The following KIRREL3 variants were observed in gnomAD, a reference collection of about 807,000 sequenced individuals.
KIRREL3 encodes kirre like nephrin family adhesion molecule 3, also known as kin of IRRE-like protein 3.
A neutral mutation model predicts 89.7 loss-of-function variants in KIRREL3; 36 were observed. The observed-to-expected ratio is 0.40, with a 90% CI of 0.31 to 0.53. The LOEUF (loss-of-function observed/expected upper bound fraction) is 0.53. KIRREL3 is among the 20% of genes least tolerant of loss of function. KIRREL3 has a pLI of 0.49. For synonymous variants in KIRREL3, 445 were observed against 441.4 expected, an observed-to-expected ratio of 1.01 and a Z score of -0.10; for missense variants, 864 against 1,056.6, an observed-to-expected ratio of 0.82 and a Z score of 2.53.
rs936094632 is a variant in KIRREL3 at position 126,486,880 on chromosome 11, G to A, written c.434-13414C>T. On this transcript the variant is annotated intron_variant, in intron 4 of 16. Coordinates refer to ENST00000525144, the MANE Select transcript of KIRREL3 (RefSeq NM_032531.4). The surrounding 1 kb of genome is among the most constrained non-coding windows in gnomAD (Gnocchi z 6.2). Reference sequence around the variant, plus strand: ...TCCTGACCCAGCAAAGGGCCAGGCAGGGACTTGGAGTGTCCCCGCTGGTCC... The same window carrying A: ...TCCTGACCCAGCAAAGGGCCAGGCAAGGACTTGGAGTGTCCCCGCTGGTCC... 1.3e-5 allele frequency among the ~76,000 whole-genome samples: 2 copies of A among 152,188 alleles called. No individual in the cohort carries two copies. Among genetic ancestry groups the A allele is most frequent in the African/African-American group, 4.8e-5 (2 of 41,442 alleles).
In KIRREL3 at chr11:126,516,266, A is replaced by T. The variant is rs915028937; in HGVS notation, c.433+5049T>A. Among the ~76,000 whole-genome samples, 3 of 152,214 alleles carry T rather than the reference A, an allele frequency of 2.0e-5. No individual in the cohort carries two copies. Among genetic ancestry groups the T allele is most frequent in the African/African-American group, 7.2e-5 (3 of 41,458 alleles). On this transcript the variant is annotated intron_variant, in intron 4 of 16. Coordinates refer to ENST00000525144, the MANE Select transcript of KIRREL3 (RefSeq NM_032531.4). The surrounding 1 kb of genome is among the most constrained non-coding windows in gnomAD (Gnocchi z 4.9). The stretch of plus-strand genomic sequence containing the variant: ...TTATTTCTAACGGGAGCCACAAGAC[A>T]GCAGAGTTAATATTAGAACGGGCCA...
At position 126,933,816 on chromosome 11, in the gene KIRREL3, A is replaced by G. The variant is rs570353114; in HGVS notation, c.55+66639T>C. 2.4e-3 allele frequency among the ~76,000 whole-genome samples: 359 copies of G among 152,026 alleles called. 1 individual carries two copies. The highest frequency in any genetic ancestry group is 8.0e-3 in the African/African-American group (332 of 41,520). Reference sequence around the variant, plus strand: ...CCAAAAACATGGAGAGAAATTAAAGAAGTTCTAAATAAATGGAGAGACATT... The same window carrying G: ...CCAAAAACATGGAGAGAAATTAAAGGAGTTCTAAATAAATGGAGAGACATT... On this transcript the variant is annotated intron_variant, in intron 1 of 16. Coordinates refer to ENST00000525144, the MANE Select transcript of KIRREL3 (RefSeq NM_032531.4).
chr11:126,648,295 T>C (rs1944772199), intron 1 of KIRREL3, among the ~76,000 whole-genome samples: 1 of 152,232 alleles, frequency 6.6e-6, no homozygotes, highest in Non-Finnish European at 1.5e-5. Context: ...AATGAGAGAA[T>C]GGATGAGTGC....
chr11:126,728,806 C>T (rs1948495594), intron 1 of KIRREL3, among the ~76,000 whole-genome samples: 1 of 152,222 alleles, frequency 6.6e-6, no homozygotes, highest in East Asian at 1.9e-4. Flanking sequence ...GCTCCATGGC[C>T]TCTCTTCTCT....
At chr11:126,868,023 G>A (rs1325153791) in intron 1 of KIRREL3, among the ~76,000 whole-genome samples, 2 of 130,826 alleles carry the variant, frequency 1.5e-5, no homozygotes, top group Non-Finnish European at 3.1e-5. Context: ...TCCCATTATG[G>A]AAATGTCTGA....
intron 1 of KIRREL3, among the ~76,000 whole-genome samples, chr11:126,593,383 C>A (rs1432977336): frequency 6.6e-6 from 1 of 152,242 alleles, no homozygotes; most frequent in Non-Finnish European, 1.5e-5. Context: ...CAGCAAGCAG[C>A]CTCATCACAC....
intron 2 of KIRREL3, among the ~76,000 whole-genome samples, chr11:126,545,632 A>AAAT (rs1244644670): frequency 6.6e-6 from 1 of 151,644 alleles, no homozygotes; most frequent in Non-Finnish European, 1.5e-5. Flanking sequence ...AAATAAAATA[A>AAAT]AATAAAATAA....
chr11:126,592,132 G>A (rs1036303063), intron 1 of KIRREL3, among the ~76,000 whole-genome samples: 6 of 152,318 alleles, frequency 3.9e-5, no homozygotes, highest in African/African-American at 1.2e-4. Flanking sequence ...CTGGGATGGG[G>A]ACTTGCATGT....
chr11:126,879,355 A>C lies in KIRREL3; in HGVS notation c.55+121100T>G, dbSNP rs1191633330. Among the ~76,000 whole-genome samples, 1 of 152,220 alleles carries C rather than the reference A, an allele frequency of 6.6e-6. No individual in the cohort carries two copies. The highest frequency in any genetic ancestry group is 1.5e-5 in the Non-Finnish European group (1 of 68,050). On this transcript the variant is annotated intron_variant, in intron 1 of 16. Transcript: ENST00000525144. The surrounding 1 kb of genome is among the most constrained non-coding windows in gnomAD (Gnocchi z 5.4). ...ACGTGGAATTACTGAACCGTCACAC[A>C]CATCTGGAAATGTATGTTTCAACTC...
intron 1 of KIRREL3, among the ~76,000 whole-genome samples, chr11:126,962,355 C>T (rs779085063): frequency 3.9e-5 from 6 of 152,082 alleles, no homozygotes; most frequent in Non-Finnish European, 7.4e-5. Flanking sequence ...AAGTTGATTC[C>T]AATCCTCACG....
intron 5 of KIRREL3, among the ~76,000 whole-genome samples, chr11:126,466,118 C>T (rs940198945): frequency 3.3e-5 from 5 of 152,172 alleles, no homozygotes; most frequent in Admixed American, 2.6e-4. Context: ...CCTCTGACTG[C>T]TCCCCCTCCT....
At chr11:126,680,513 C>T (rs1473728009) in intron 1 of KIRREL3, among the ~76,000 whole-genome samples, 1 of 152,106 alleles carries the variant, frequency 6.6e-6, no homozygotes, top group Non-Finnish European at 1.5e-5. Flanking sequence ...GTAGTAGGGT[C>T]TTCCCCTCCC....
intron 1 of KIRREL3, among the ~76,000 whole-genome samples, chr11:126,992,212 T>C (rs1317469666): frequency 1.3e-5 from 2 of 152,178 alleles, no homozygotes; most frequent in African/African-American, 4.8e-5. Context: ...CCAAAATAAA[T>C]AGATTGTTGC....
chr11:126,972,168 TAGAGAGAG>T (rs61426707), intron 1 of KIRREL3, among the ~76,000 whole-genome samples: 69 of 119,848 alleles, frequency 5.8e-4, no homozygotes, highest in East Asian at 1.9e-3. Context: ...GAGGGTCTGG[TAGAGAGAG>T]AGAGAGAGAG....
chr11:126,609,317 G>C lies in KIRREL3; in HGVS notation c.56-46405C>G, dbSNP rs561558109. Among the ~76,000 whole-genome samples the C allele has an allele frequency of 2.0e-5, 3 of 152,130 alleles. No homozygotes were observed. The highest frequency in any genetic ancestry group is 2.0e-4 in the Admixed American group (3 of 15,284). ...GAGGGCTAATGTATGTCTTCCCCCC[G>C]GGCTGGTGGCTGGGTTAATTGGACC... On this transcript the variant is annotated intron_variant, in intron 1 of 16. Coordinates refer to ENST00000525144, the MANE Select transcript of KIRREL3 (RefSeq NM_032531.4). The surrounding 1 kb of genome is among the most constrained non-coding windows in gnomAD (Gnocchi z 5.0).
At chr11:126,732,281 A>G (rs1406894561) in intron 1 of KIRREL3, among the ~76,000 whole-genome samples, 1 of 152,246 alleles carries the variant, frequency 6.6e-6, no homozygotes, top group Non-Finnish European at 1.5e-5. Flanking sequence ...CGCAGTTTAT[A>G]ATACAAATGT....
In KIRREL3 at chr11:126,614,165, C is replaced by T. The variant is rs1452275672; in HGVS notation, c.56-51253G>A. Among the ~76,000 whole-genome samples, 1 of 151,998 alleles carries T rather than the reference C, an allele frequency of 6.6e-6. No homozygotes were observed. The highest frequency in any genetic ancestry group is 2.4e-5 in the African/African-American group (1 of 41,380). On this transcript the variant is annotated intron_variant, in intron 1 of 16. Coordinates refer to ENST00000525144, the MANE Select transcript of KIRREL3 (RefSeq NM_032531.4). This position sits in a 1 kb window ranked among gnomAD's most constrained non-coding sequence, Gnocchi z 4.6. ...ATTTATAAAAGAGAAGGGGGATTAACATGTGCGCTTTAAGGGTTGGAAAAG... is the reference window on the plus strand; with the variant it reads ...ATTTATAAAAGAGAAGGGGGATTAATATGTGCGCTTTAAGGGTTGGAAAAG...
intron 8 of KIRREL3, among the ~76,000 whole-genome samples, chr11:126,448,135 T>A (rs1296583418): frequency 6.6e-6 from 1 of 151,860 alleles, no homozygotes; most frequent in Non-Finnish European, 1.5e-5. Flanking sequence ...ATACAAAAAT[T>A]ATCTGGGTAT....
In KIRREL3 at chr11:126,898,244, G is replaced by T. The variant is rs182201366; in HGVS notation, c.55+102211C>A. ...TACTTTATGCCAATTAGGTTAGCAA[G>T]AATTAGAAAACTGAAGGATACCAAG... On this transcript the variant is annotated intron_variant, in intron 1 of 16. Transcript: ENST00000525144. This position sits in a 1 kb window ranked among gnomAD's most constrained non-coding sequence, Gnocchi z 4.9. Among the ~76,000 whole-genome samples, 1 of 152,280 alleles carries T rather than the reference G, an allele frequency of 6.6e-6. No individual in the cohort carries two copies. Among genetic ancestry groups the T allele is most frequent in the Admixed American group, 6.5e-5 (1 of 15,288 alleles).
Sources: gnomAD v4.1 joint callset for allele counts (sites outside exome capture counted in the v4.1 genomes callset) on GRCh38, gnomAD v4.1.1 for gene constraint, Gnocchi (gnomAD v3.1) non-coding constraint, MANE v1.5 for transcripts, NCBI Gene and HGNC (gene_info 2026-07-23, HGNC 2026-07-21) for gene names.